The following TRAPPC11 variants were observed in gnomAD, a reference collection of about 807,000 sequenced individuals.
TRAPPC11 encodes the protein trafficking protein particle complex subunit 11.
A neutral mutation model predicts 151.2 loss-of-function variants in TRAPPC11; 104 were observed. The ratio of observed to expected loss-of-function variants is 0.69; its 90% CI spans 0.59 to 0.81. The LOEUF (loss-of-function observed/expected upper bound fraction) is 0.81. Ranked by LOEUF, TRAPPC11 falls within the 30% of genes least tolerant of loss-of-function variation. The pLI, the probability that TRAPPC11 is intolerant of heterozygous loss-of-function variation, is 0.00. For synonymous variants in TRAPPC11, 456 were observed against 472.3 expected, an observed-to-expected ratio of 0.97 and a Z score of 0.45; for missense variants, 1,230 against 1,349.6, an observed-to-expected ratio of 0.91 and a Z score of 1.39.
chr4:183,697,844 G>A lies in TRAPPC11; in HGVS notation c.2851+9G>A, dbSNP rs1283492937. On this transcript the variant is annotated intron_variant, in intron 25 of 29. Coordinates refer to ENST00000334690, the MANE Select transcript of TRAPPC11 (RefSeq NM_021942.6). Reference sequence around the variant, plus strand: ...GTCTCAAGTGGACAATGGTGAGTCTGGTTCATTCCCACTTAAAGACCAGGA... The same window carrying A: ...GTCTCAAGTGGACAATGGTGAGTCTAGTTCATTCCCACTTAAAGACCAGGA... 1 of 1,611,178 alleles carries A rather than the reference G, an allele frequency of 6.2e-7. No individual in the cohort carries two copies. Among genetic ancestry groups the A allele is most frequent in the Non-Finnish European group, 8.5e-7 (1 of 1,178,776 alleles).
chr4:183,681,637 G>T (rs949135880), intron 10 of TRAPPC11, among the ~76,000 whole-genome samples: 9 of 152,010 alleles, frequency 5.9e-5, no homozygotes, highest in African/African-American at 1.9e-4. Flanking sequence ...AAAATTAGCC[G>T]GGTGTGGTGG....
chr4:183,693,528 A>G (rs1736365585), intron 20 of TRAPPC11, 61 bp from the exon 21 acceptor site: 1 of 1,530,988 alleles, frequency 6.5e-7, no homozygotes, highest in African/African-American at 1.4e-5. Flanking sequence ...TAAATACTTT[A>G]TTTGAATAAT....
chr4:183,679,091 A>G (rs932193012), intron 8 of TRAPPC11, among the ~76,000 whole-genome samples: 5 of 152,190 alleles, frequency 3.3e-5, no homozygotes, highest in Non-Finnish European at 7.4e-5. Context: ...ATTCTGTTCC[A>G]TATTTTTTAA....
At position 183,693,623 on chromosome 4, in the gene TRAPPC11, C is replaced by A; in HGVS notation, c.2272C>A (p.Leu758Met). 1 of 1,613,840 alleles carries A rather than the reference C, an allele frequency of 6.2e-7. No individual in the cohort carries two copies. Among genetic ancestry groups the A allele is most frequent in the South Asian group, 1.1e-5 (1 of 90,964 alleles). Reference protein sequence around the residue: ...ISRVPNISVHLLHEPPALTNE... With the variant: ...ISRVPNISVHMLHEPPALTNE... ...CAGAGTCCCAAACATTTCTGTACAT[C>A]TGCTACATGAACCCCCTGCACTGAC... is the stretch of plus-strand genomic sequence containing the variant. Residue 758 changes from leucine (L) to methionine (M), a missense_variant, in exon 21 of 30, where the codon CTG (leucine) becomes ATG (methionine). Physicochemically the swap from Leu to Met is conservative, Grantham distance 15. Transcript: ENST00000334690.
chr4:183,709,505 G>A (rs1447243816), intron 29 of TRAPPC11, among the ~76,000 whole-genome samples: 1 of 152,192 alleles, frequency 6.6e-6, no homozygotes, highest in Admixed American at 6.5e-5. Context: ...GCCTGGCGCA[G>A]TGGCTCACAC....
chr4:183,693,555 T>G, intron 20 of TRAPPC11, 34 bp from the exon 21 acceptor site: 6 of 1,571,622 alleles, frequency 3.8e-6, no homozygotes, highest in Non-Finnish European at 5.1e-6. Flanking sequence ...GCTTTTTTTT[T>G]GATCAGTTAC....
chr4:183,665,214 CCT>C lies in TRAPPC11; in HGVS notation c.205-1041_205-1040del, dbSNP rs1450740264. ...GGTTCGTGCCATTCTCCTGCTTCAG[CCT>C]CCCGAGTGGCTGGGACTACAGGCGC... On this transcript the variant is annotated intron_variant, in intron 2 of 29. Transcript: ENST00000334690. Among the ~76,000 whole-genome samples, 8 of 150,738 alleles carry C rather than the reference CCT, an allele frequency of 5.3e-5. No individual in the cohort carries two copies. In the East Asian group the frequency reaches 1.2e-3, roughly 22 times the overall value.
Position 183,659,307 on chromosome 4 carries a change from C to T in TRAPPC11, c.-162C>T, listed in dbSNP as rs867497055. 40 of 251,462 alleles carry T rather than the reference C, an allele frequency of 1.6e-4. No individual in the cohort carries two copies. The highest frequency in any genetic ancestry group is 7.1e-4 in the African/African-American group (32 of 44,968). The allele number at this position is 251,462 out of a possible 1,614,324, so 15.6% of individuals were successfully genotyped here. On this transcript the variant is annotated 5_prime_UTR_variant, in exon 1 of 30. Coordinates refer to ENST00000334690, the MANE Select transcript of TRAPPC11 (RefSeq NM_021942.6). ...CCGGGGGAGGTGGGTACAGGGAAGTCTCGCCTGTTGGAACTGGCTGTGGGG... is the reference window on the plus strand; with the variant it reads ...CCGGGGGAGGTGGGTACAGGGAAGTTTCGCCTGTTGGAACTGGCTGTGGGG...
chr4:183,691,175 G>T (rs983702897), intron 18 of TRAPPC11, 141 bp from the exon 19 acceptor site: 8 of 538,082 alleles, frequency 1.5e-5, no homozygotes, highest in Non-Finnish European at 2.4e-5. Context: ...CCTCTATTTG[G>T]CATAAAAAAT....
chr4:183,677,628 A>C (rs892854446), intron 8 of TRAPPC11, 74 bp downstream of exon 8: 4 of 886,132 alleles, frequency 4.5e-6, no homozygotes, highest in Non-Finnish European at 7.3e-6. Flanking sequence ...TTGAACATCA[A>C]AATTAATTTC....
Position 183,685,336 on chromosome 4 carries a change from G to C in TRAPPC11, c.1695G>C (p.Trp565Cys), listed in dbSNP as rs755753060. Residue 565 changes from tryptophan to cysteine, a missense_variant, in exon 17 of 30, where the codon TGG (tryptophan) becomes TGC (cysteine). By Grantham distance (215) the Trp-to-Cys change is radical. Transcript: ENST00000334690. ...CTGTGAAAACTGCTCAGAAGCTGTG[G>C]GCAGACCGAATTTCTCTGGCTGGCA... The part of the protein sequence containing the change: ...ILAVKTAQKL[W>C]ADRISLAGSN... The C allele has an allele frequency of 6.2e-7, 1 of 1,613,988 alleles. No individual in the cohort carries two copies. The highest frequency in any genetic ancestry group is 2.2e-5 in the East Asian group (1 of 44,872).
chr4:183,672,744 A>G (rs941936691), intron 5 of TRAPPC11, among the ~76,000 whole-genome samples: 1 of 152,198 alleles, frequency 6.6e-6, no homozygotes, highest in Non-Finnish European at 1.5e-5. Context: ...ACTGTTTAAC[A>G]GGTGTTTTAT....
chr4:183,695,202 G>A (rs989381068), intron 23 of TRAPPC11, among the ~76,000 whole-genome samples: 20 of 151,936 alleles, frequency 1.3e-4, no homozygotes, highest in African/African-American at 4.8e-4. Context: ...TGCCCACCTT[G>A]GCCTCCCAAA....
At chr4:183,680,811 A>G (rs1425487007) in intron 10 of TRAPPC11, among the ~76,000 whole-genome samples, 2 of 150,114 alleles carry the variant, frequency 1.3e-5, no homozygotes, top group African/African-American at 2.4e-5. Context: ...TCCTGCCACA[A>G]TCTCCTGAGT....
chr4:183,667,629 G>A (rs1008285608), intron 4 of TRAPPC11, among the ~76,000 whole-genome samples: 1 of 152,130 alleles, frequency 6.6e-6, no homozygotes, highest in Non-Finnish European at 1.5e-5. Flanking sequence ...GACTTTTGTA[G>A]ACCAAAATAT....
intron 2 of TRAPPC11, among the ~76,000 whole-genome samples, chr4:183,665,317 A>G (rs1330961587): frequency 2.6e-5 from 4 of 151,862 alleles, no homozygotes; most frequent in Admixed American, 2.0e-4. Flanking sequence ...GATGGTCTCG[A>G]TCTCCTGACC....
intron 29 of TRAPPC11, among the ~76,000 whole-genome samples, chr4:183,711,873 G>A (rs1460085190): frequency 6.6e-6 from 1 of 152,138 alleles, no homozygotes; most frequent in Non-Finnish European, 1.5e-5. Context: ...TGTAAGAATT[G>A]TATTCTTTTA....
rs965136707 is a variant in TRAPPC11 at position 183,691,456 on chromosome 4, G to A, written c.2034G>A (p.Val678=). 2 of 1,494,472 alleles carry A rather than the reference G, an allele frequency of 1.3e-6. No individual in the cohort carries two copies. Among genetic ancestry groups the A allele is most frequent in the South Asian group, 1.5e-5 (1 of 67,692 alleles). 92.6% of individuals were successfully genotyped at this position (1,494,472 alleles called of 1,614,324 possible). Residue 678 remains valine (V), a synonymous_variant, in exon 19 of 30, where the codon GTG becomes GTA. Transcript: ENST00000334690. ...LFKFVAKTED[V]GKKIEITSVD... is the part of the protein sequence containing the mutation. ...AGTTTGTTGCAAAAACTGAAGATGT[G>A]GGAAAGAAAATTGAGGTTAGTTATG... is the stretch of plus-strand genomic sequence containing the variant.
rs568985440 is a variant in TRAPPC11, at chr4:183,697,724, A to T, written c.2740A>T (p.Met914Leu). 2 of 1,614,174 alleles carry T rather than the reference A, an allele frequency of 1.2e-6. No individual in the cohort carries two copies. The highest frequency in any genetic ancestry group is 2.7e-5 in the African/African-American group (2 of 75,042). Residue 914 changes from methionine (M) to leucine (L), a missense_variant, in exon 25 of 30, where the codon ATG becomes TTG. Coordinates refer to ENST00000334690, the MANE Select transcript of TRAPPC11 (RefSeq NM_021942.6). ...RVYADIPFLL[M>L]TDLLSASPWA... ...TTATGCTGACATCCCCTTTCTGTTG[A>T]TGACGGACCTCTTAAGTGCCTCACC...
Sources: allele counts gnomAD v4.1 joint callset (sites outside exome capture counted in the v4.1 genomes callset), GRCh38; gene constraint gnomAD v4.1.1; transcripts MANE v1.5; gene names NCBI Gene and HGNC (gene_info 2026-07-23, HGNC 2026-07-21).